COL23A1: variants seen among roughly 807,000 people sequenced by gnomAD.
COL23A1 encodes the protein collagen type XXIII alpha 1 chain.
Under a neutral mutation model 99.3 loss-of-function variants are expected in COL23A1, and 97 were observed. The ratio of observed to expected loss-of-function variants is 0.98; its 90% CI spans 0.83 to 1.16. COL23A1 has a LOEUF of 1.16. Ranked by LOEUF, COL23A1 falls within the 50% of genes most tolerant of loss-of-function variation. The pLI is 0.00. For missense variants in COL23A1, 762 were observed against 757.4 expected (o/e 1.01, Z -0.07); for synonymous variants, 320 against 308.2 (o/e 1.04, Z -0.40).
At chr5:178,241,314 TGA>T (rs1283502495) in intron 27 of COL23A1, among the ~76,000 whole-genome samples, 8 of 151,700 alleles carry the variant, frequency 5.3e-5, no homozygotes, top group African/African-American at 1.9e-4. Context: ...CAAAGGCCAC[TGA>T]GAGAGCACAG....
At chr5:178,261,617 T>C (rs1765628373) in intron 11 of COL23A1, 105 bp downstream of exon 11, 27 of 783,654 alleles carry the variant, frequency 3.4e-5, no homozygotes, top group Non-Finnish European at 2.3e-6. Context: ...CCCTGCTGCC[T>C]TGGCTTCACT....
chr5:178,564,965 A>T (rs1386207094), intron 1 of COL23A1, among the ~76,000 whole-genome samples: 2 of 152,260 alleles, frequency 1.3e-5, no homozygotes, highest in African/African-American at 4.8e-5. Context: ...GAAGCAAAAC[A>T]TGATATTTAT....
rs181265582 is a variant in COL23A1 at position 178,491,018 on chromosome 5, G to A, written c.361+69664C>T. Among the ~76,000 whole-genome samples the A allele has an allele frequency of 2.9e-3, 433 of 151,894 alleles. 2 individuals are homozygous for A. The highest frequency in any genetic ancestry group is 4.7e-3 in the Non-Finnish European group (322 of 67,980). On this transcript the variant is annotated intron_variant, in intron 2 of 28. Transcript: ENST00000390654. ...CTTGAGGGGAGTGGGGAGAGACAGC[G>A]AGAGACAAAGAAAGCTAAGAGAGAA...
Position 178,250,103 on chromosome 5 carries a change from G to A in COL23A1, c.1017C>T (p.Gly339=), listed in dbSNP as rs756694203. Residue 339 remains glycine (G), a splice_region_variant and synonymous_variant, in exon 18 of 29, where the codon GGC becomes GGT. Coordinates refer to ENST00000390654, the MANE Select transcript of COL23A1 (RefSeq NM_173465.4). The stretch of plus-strand genomic sequence containing the variant: ...CTGGGGCACCGGGCAATCCAAGCTC[G>A]CCCTGGAAGGGAAGAGATGGCAAGA... ...PGPPGIPGAK[G]ELGLPGAPGI... is the part of the protein sequence containing the mutation. 2.5e-5 allele frequency: 41 copies of A among 1,614,004 alleles called. No individual in the cohort carries two copies. The highest frequency in any genetic ancestry group is 6.7e-5 in the East Asian group (3 of 44,904).
At chr5:178,450,136 T>A (rs531016767) in intron 2 of COL23A1, among the ~76,000 whole-genome samples, 32 of 152,264 alleles carry the variant, frequency 2.1e-4, no homozygotes, top group Middle Eastern at 3.4e-3. Flanking sequence ...TAAAACATAA[T>A]GCCAGACCCT....
intron 2 of COL23A1, among the ~76,000 whole-genome samples, chr5:178,518,486 C>T (rs2128001890): frequency 6.7e-6 from 1 of 148,640 alleles, no homozygotes; most frequent in South Asian, 2.1e-4. Context: ...GGCAGAGGCG[C>T]CCCTCACCTC....
chr5:178,544,144 C>T lies in COL23A1; in HGVS notation c.361+16538G>A, dbSNP rs879699795. Among the ~76,000 whole-genome samples the T allele has an allele frequency of 5.9e-5, 9 of 152,024 alleles. No homozygotes were observed. Among genetic ancestry groups the T allele is most frequent in the Admixed American group, 2.0e-4 (3 of 15,264 alleles). On this transcript the variant is annotated intron_variant, in intron 2 of 28. Coordinates refer to ENST00000390654, the MANE Select transcript of COL23A1 (RefSeq NM_173465.4). The surrounding 1 kb of genome is among the most constrained non-coding windows in gnomAD (Gnocchi z 4.4). Reference sequence around the variant, plus strand: ...TCCGGGGCATGTCCCTCCTTACACTCTCCCTCCTCCTGCAAGCACTCTTCC... The same window carrying T: ...TCCGGGGCATGTCCCTCCTTACACTTTCCCTCCTCCTGCAAGCACTCTTCC...
At chr5:178,259,283 GA>G (rs1255209426) in intron 12 of COL23A1, among the ~76,000 whole-genome samples, 1 of 152,112 alleles carries the variant, frequency 6.6e-6, no homozygotes, top group Non-Finnish European at 1.5e-5. Flanking sequence ...CCCAGGAGAA[GA>G]GGCCGGGGAG....
chr5:178,256,399 T>G lies in COL23A1; in HGVS notation c.838-2A>C. 1.2e-6 allele frequency: 2 copies of G among 1,605,880 alleles called. No homozygotes were observed. Among genetic ancestry groups the G allele is most frequent in the South Asian group, 2.2e-5 (2 of 90,328 alleles). ...CGTGCCTCGGTGGCCAGGCTCCCCC[T>G]GTGGAGACATGCATTTGCAGCCAGA... is the stretch of plus-strand genomic sequence containing the variant. On this transcript the variant is annotated splice_acceptor_variant, in intron 14 of 28. Transcript: ENST00000390654. LOFTEE classifies it high-confidence loss of function.
At chr5:178,412,305 T>C (rs1451293424) in intron 2 of COL23A1, among the ~76,000 whole-genome samples, 2 of 152,210 alleles carry the variant, frequency 1.3e-5, no homozygotes, top group African/African-American at 2.4e-5. Flanking sequence ...ATTTTTTTTC[T>C]GTAAGGATAT....
In COL23A1 at chr5:178,311,018, C is replaced by T. The variant is rs1396584425; in HGVS notation, c.362-4099G>A. 1.1e-4 allele frequency among the ~76,000 whole-genome samples: 16 copies of T among 152,256 alleles called. No homozygotes were observed. In the South Asian group the frequency reaches 3.3e-3, roughly 32 times the overall value. On this transcript the variant is annotated intron_variant, in intron 2 of 28. Transcript: ENST00000390654. ...ACGGATGCTGCTGGAAAACTTGTCC[C>T]AGCTAGAGGGTCTAGCGCTGAAGAC...
intron 2 of COL23A1, among the ~76,000 whole-genome samples, chr5:178,432,446 G>T (rs1766314779): frequency 6.6e-6 from 1 of 152,170 alleles, no homozygotes; most frequent in Admixed American, 6.5e-5. Flanking sequence ...CAGGAAATAT[G>T]GGAGAAATAC....
At chr5:178,241,752 C>G (rs942930111) in intron 27 of COL23A1, among the ~76,000 whole-genome samples, 3 of 152,240 alleles carry the variant, frequency 2.0e-5, no homozygotes, top group Admixed American at 2.0e-4. Flanking sequence ...TGGGTTCCTA[C>G]TCAAGCCAGG....
At chr5:178,247,057 C>A (rs1232905253) in intron 22 of COL23A1, among the ~76,000 whole-genome samples, 1 of 152,118 alleles carries the variant, frequency 6.6e-6, no homozygotes, top group Non-Finnish European at 1.5e-5. Context: ...GGCATGCAGG[C>A]AGGCCACACT....
rs58367447 is a variant in COL23A1, at chr5:178,539,563, A to G, written c.361+21119T>C. Among the ~76,000 whole-genome samples the G allele has an allele frequency of 3.7e-4, 54 of 146,910 alleles. 1 individual carries two copies. The highest frequency in any genetic ancestry group is 1.2e-3 in the East Asian group (6 of 5,066). On this transcript the variant is annotated intron_variant, in intron 2 of 28. Transcript: ENST00000390654. ...TCTGTCTCAAAAAAAAAAAAAAAAA[A>G]AAAAAGAAAAAGAAAGAAAGGGAAA...
chr5:178,294,328 CTA>C (rs1561834846), intron 3 of COL23A1, among the ~76,000 whole-genome samples: 32 of 37,968 alleles, frequency 8.4e-4, no homozygotes, highest in African/African-American at 1.7e-3. Flanking sequence ...CCCCAAATCA[CTA>C]CCGAGCTCCC....
chr5:178,561,520 G>A (rs73344475), intron 1 of COL23A1, among the ~76,000 whole-genome samples: 4 of 152,226 alleles, frequency 2.6e-5, no homozygotes, highest in Non-Finnish European at 5.9e-5. Context: ...CAGAACAAAC[G>A]GTCCCTGCCC....
At chr5:178,252,649 T>A (rs1160773068) in intron 16 of COL23A1, 52 bp from the exon 17 acceptor site, 1 of 1,507,110 alleles carries the variant, frequency 6.6e-7, no homozygotes, top group Non-Finnish European at 9.1e-7. Context: ...AGGGCCTCCC[T>A]TCGCTACCCA....
intron 2 of COL23A1, among the ~76,000 whole-genome samples, chr5:178,451,443 G>A (rs1220579349): frequency 6.6e-6 from 1 of 152,034 alleles, no homozygotes; most frequent in Non-Finnish European, 1.5e-5. Context: ...ATTACTTGAG[G>A]TCAGGAGTTT....
Sources: gnomAD v4.1 joint callset for allele counts (sites outside exome capture counted in the v4.1 genomes callset) on GRCh38, gnomAD v4.1.1 for gene constraint, Gnocchi (gnomAD v3.1) non-coding constraint, MANE v1.5 for transcripts, NCBI Gene and HGNC (gene_info 2026-07-23, HGNC 2026-07-21) for gene names.